SYNRG: variants seen among roughly 807,000 people sequenced by gnomAD.
SYNRG encodes AP1 gamma subunit binding protein 1.
SYNRG carries 37 observed loss-of-function variants against 130.9 expected under a neutral mutation model. That is an observed-to-expected ratio of 0.28 (90% CI 0.22 to 0.37). SYNRG has a LOEUF of 0.37. SYNRG is among the 10% of genes least tolerant of loss of function. SYNRG has a pLI of 1.00. For missense variants in SYNRG, 1,338 were observed against 1,588.9 expected (o/e 0.84, Z 2.68); for synonymous variants, 539 against 568.1 (o/e 0.95, Z 0.73).
At chr17:37,574,405 G>A (rs1032529972) in intron 8 of SYNRG, among the ~76,000 whole-genome samples, 3 of 152,050 alleles carry the variant, frequency 2.0e-5, no homozygotes, top group Admixed American at 6.6e-5. Context: ...ATGGACAAAT[G>A]GGATCACATC....
At chr17:37,581,765 C>CTTTTTTT (rs398041650) in intron 6 of SYNRG, among the ~76,000 whole-genome samples, 1 of 105,310 alleles carries the variant, frequency 9.5e-6, no homozygotes, top group Non-Finnish European at 2.0e-5. Context: ...CATTTTTTTT[C>CTTTTTTT]TTTTTTTTTT....
intron 13 of SYNRG, among the ~76,000 whole-genome samples, chr17:37,559,059 T>C (rs866167999): frequency 2.0e-5 from 3 of 152,242 alleles, no homozygotes; most frequent in South Asian, 4.1e-4. Flanking sequence ...ATGCTACTAA[T>C]GAAGGAAAAT....
chr17:37,571,703 GAGTTACACA>G, intron 9 of SYNRG, 79 bp downstream of exon 9: 1 of 1,179,856 alleles, frequency 8.5e-7, no homozygotes, highest in Non-Finnish European at 1.2e-6. Context: ...AATGTACAAG[GAGTTACACA>G]ATGTAGTAAA....
At chr17:37,522,681 C>A (rs1598041137) in intron 19 of SYNRG, among the ~76,000 whole-genome samples, 1 of 149,270 alleles carries the variant, frequency 6.7e-6, no homozygotes, top group African/African-American at 2.5e-5. Context: ...TGCTCTGTAG[C>A]CCAGGCTGGA....
At chr17:37,591,159 CA>C (rs2062152495) in intron 3 of SYNRG, among the ~76,000 whole-genome samples, 1 of 152,004 alleles carries the variant, frequency 6.6e-6, no homozygotes, top group African/African-American at 2.4e-5. Flanking sequence ...CATAAACAAT[CA>C]ATTGTATTTC....
At chr17:37,549,977 CAATTTA>C (rs1355518947) in intron 14 of SYNRG, among the ~76,000 whole-genome samples, 1 of 152,140 alleles carries the variant, frequency 6.6e-6, no homozygotes, top group African/African-American at 2.4e-5. Context: ...TGCAGATTAT[CAATTTA>C]AATACAGTTT....
chr17:37,527,303 A>G (rs2056054247), intron 19 of SYNRG, among the ~76,000 whole-genome samples: 1 of 152,202 alleles, frequency 6.6e-6, no homozygotes, highest in Non-Finnish European at 1.5e-5. Flanking sequence ...ACTTCAACCC[A>G]CTTCACAAGA....
rs1217814351 is a variant in SYNRG at position 37,561,552 on chromosome 17, C to T, written c.1519G>A (p.Ala507Thr). ...GCATATTTGTCCATTGAAGGCAATGCTTTAGTTCCAGGAAGTGGCATCAAC... is the reference window on the plus strand; with the variant it reads ...GCATATTTGTCCATTGAAGGCAATGTTTTAGTTCCAGGAAGTGGCATCAAC... ...SLLMPLPGTK[A>T]LPSMDKYAVF... The change falls in exon 12 of 22, where the codon GCA (alanine) becomes ACA (threonine). Residue 507 changes from alanine to threonine, a missense_variant. Physicochemically the swap from Ala to Thr is moderately conservative, Grantham distance 58. Around this residue, in one of 3 missense-constraint regions of SYNRG, gnomAD observed 1,146 missense variants for 1,342.3 expected, o/e 0.85. Transcript: ENST00000612223. 4 of 1,613,410 alleles carry T rather than the reference C, an allele frequency of 2.5e-6. No homozygotes were observed. The South Asian group carries it at 3.3e-5, about 13-fold the overall frequency.
At chr17:37,568,366 A>T (rs1214807945) in intron 11 of SYNRG, 1 of 153,910 alleles carries the variant, frequency 6.5e-6, no homozygotes, top group African/African-American at 2.4e-5. Flanking sequence ...AGAAATGTGA[A>T]TGAATATGAT....
chr17:37,541,357 C>A (rs115260412), intron 15 of SYNRG: 18 of 633,966 alleles, frequency 2.8e-5, no homozygotes, highest in Non-Finnish European at 3.5e-5. Context: ...AGACAGGAAG[C>A]GGTGGGGATT....
intron 1 of SYNRG, among the ~76,000 whole-genome samples, chr17:37,601,436 T>C (rs2063273946): frequency 6.6e-6 from 1 of 152,226 alleles, no homozygotes; most frequent in Non-Finnish European, 1.5e-5. Flanking sequence ...TTATTGTTAT[T>C]GTGGTAACAT....
intron 16 of SYNRG, 76 bp from the exon 17 acceptor site, chr17:37,539,321 G>C: frequency 2.1e-6 from 3 of 1,459,822 alleles, no homozygotes; most frequent in Non-Finnish European, 2.8e-6. Flanking sequence ...TCAATTCAAA[G>C]TGCTTGGAGG....
chr17:37,520,307 G>A, intron 20 of SYNRG, 93 bp from the exon 21 acceptor site: 1 of 1,529,216 alleles, frequency 6.5e-7, no homozygotes, highest in Admixed American at 1.7e-5. Context: ...CTTTTCCCCT[G>A]ACCTCCCCAC....
chr17:37,546,106 G>A (rs768106579), intron 14 of SYNRG, among the ~76,000 whole-genome samples: 2 of 152,006 alleles, frequency 1.3e-5, no homozygotes, highest in South Asian at 2.1e-4. Context: ...TCCACTTATC[G>A]GTATTATTGT....
intron 6 of SYNRG, among the ~76,000 whole-genome samples, chr17:37,578,155 C>A (rs904590364): frequency 7.2e-5 from 11 of 151,814 alleles, no homozygotes; most frequent in African/African-American, 2.7e-4. Flanking sequence ...CATAATGAAA[C>A]CCCATCTCTA....
intron 2 of SYNRG, among the ~76,000 whole-genome samples, 194 bp downstream of exon 2, chr17:37,600,169 T>C (rs2063143486): frequency 6.6e-6 from 1 of 152,234 alleles, no homozygotes; most frequent in South Asian, 2.1e-4. Flanking sequence ...GAGTGATCCT[T>C]ATTACTCCCA....
In SYNRG at chr17:37,593,671, G is replaced by C. The variant is rs1404798455; in HGVS notation, c.240+2552C>G. Among the ~76,000 whole-genome samples, 3 of 152,108 alleles carry C rather than the reference G, an allele frequency of 2.0e-5. No homozygotes were observed. The South Asian group carries it at 6.2e-4, about 32-fold the overall frequency. Reference sequence around the variant, plus strand: ...AGGCCGAGGCAGGCAGATCACCTGAGGTCAGGGGTTTGAAACCAGCCTGGT... The same window carrying C: ...AGGCCGAGGCAGGCAGATCACCTGACGTCAGGGGTTTGAAACCAGCCTGGT... On this transcript the variant is annotated intron_variant, in intron 3 of 21. Coordinates refer to ENST00000612223, the MANE Select transcript of SYNRG (RefSeq NM_007247.6).
intron 19 of SYNRG, among the ~76,000 whole-genome samples, chr17:37,529,428 G>A (rs763512): frequency 0.26 from 39,657 of 150,850 alleles, 5,935 homozygotes; most frequent in East Asian, 0.57. Flanking sequence ...TGATGGAGTA[G>A]TCTATATCTT....
At chr17:37,581,580 G>GTTTTGT (rs1012194270) in intron 6 of SYNRG, among the ~76,000 whole-genome samples, 1 of 151,170 alleles carries the variant, frequency 6.6e-6, no homozygotes, top group East Asian at 2.0e-4. Context: ...GCCTTACCTT[G>GTTTTGT]TTTTGTTTTT....
Sources: allele counts gnomAD v4.1 joint callset (sites outside exome capture counted in the v4.1 genomes callset), GRCh38; gene constraint gnomAD v4.1.1; regional missense constraint gnomAD v4.1.1; transcripts MANE v1.5; gene names NCBI Gene and HGNC (gene_info 2026-07-23, HGNC 2026-07-21).